Variants in CDKAL1 observed in about 807,000 individuals in gnomAD.
The protein encoded by CDKAL1 is threonylcarbamoyladenosine tRNA methylthiotransferase.
Under a neutral mutation model 68.2 loss-of-function variants are expected in CDKAL1, and 32 were observed. The observed-to-expected ratio is 0.47, with a 90% CI of 0.35 to 0.63. CDKAL1 has a LOEUF of 0.63. Among genes scored for constraint, CDKAL1 ranks in the 30% least tolerant of loss-of-function variants. The pLI, the probability that CDKAL1 is intolerant of heterozygous loss-of-function variation, is 0.00. For synonymous variants in CDKAL1, 234 were observed against 244.3 expected, an observed-to-expected ratio of 0.96 and a Z score of 0.39; for missense variants, 606 against 696.7, an observed-to-expected ratio of 0.87 and a Z score of 1.47.
At chr6:20,599,324 G>A (rs188886429) in intron 4 of CDKAL1, 7 of 451,600 alleles carry the variant, frequency 1.6e-5, no homozygotes, top group Admixed American at 4.8e-5. Context: ...TTGCATTATT[G>A]TTATACTTGG....
chr6:21,075,566 AT>A lies in CDKAL1; in HGVS notation c.1236+10346del, dbSNP rs555430468. ...TCATGAACAGGATAAACTAAAATTT[AT>A]TTTTTTTAGCTTTTACAAGACTATA... On this transcript the variant is annotated intron_variant, in intron 12 of 15. Coordinates refer to ENST00000274695, the MANE Select transcript of CDKAL1 (RefSeq NM_017774.3). 4.3e-3 allele frequency among the ~76,000 whole-genome samples: 657 copies of A among 151,962 alleles called. 5 individuals carry two copies. Among genetic ancestry groups the A allele is most frequent in the African/African-American group, 0.015 (631 of 41,468 alleles).
intron 13 of CDKAL1, among the ~76,000 whole-genome samples, chr6:21,129,684 A>AAG: frequency 7.3e-6 from 1 of 136,080 alleles, no homozygotes; most frequent in Non-Finnish European, 1.6e-5. Context: ...CAGTTTACCA[A>AAG]AAAAAAAAAA....
At chr6:21,103,818 G>T (rs1029405219) in intron 12 of CDKAL1, among the ~76,000 whole-genome samples, 3 of 152,166 alleles carry the variant, frequency 2.0e-5, no homozygotes, top group Admixed American at 6.5e-5. Context: ...AGAGCTAACA[G>T]GTGGTTGCAT....
chr6:21,107,269 C>T (rs1182401032), intron 12 of CDKAL1, among the ~76,000 whole-genome samples: 1 of 150,358 alleles, frequency 6.7e-6, no homozygotes, highest in East Asian at 1.9e-4. Context: ...TTTATATTAA[C>T]TAGTTGGCTG....
At chr6:21,220,956 C>G (rs558745489) in intron 15 of CDKAL1, among the ~76,000 whole-genome samples, 17 of 152,176 alleles carry the variant, frequency 1.1e-4, no homozygotes, top group Admixed American at 1.0e-3. Flanking sequence ...CACCTGAGGC[C>G]AGGAGTTCAA....
chr6:21,099,254 C>T (rs1773465493), intron 12 of CDKAL1, among the ~76,000 whole-genome samples: 1 of 152,110 alleles, frequency 6.6e-6, no homozygotes, highest in African/African-American at 2.4e-5. Flanking sequence ...ATATTTTCAG[C>T]TTTATAGGCC....
intron 5 of CDKAL1, among the ~76,000 whole-genome samples, chr6:20,713,759 T>C (rs1012790793): frequency 6.6e-6 from 1 of 152,146 alleles, no homozygotes; most frequent in African/African-American, 2.4e-5. Flanking sequence ...ACAATTGACA[T>C]AGAAAAGTCA....
At chr6:21,156,459 T>C (rs1312950419) in intron 13 of CDKAL1, among the ~76,000 whole-genome samples, 1 of 150,936 alleles carries the variant, frequency 6.6e-6, no homozygotes, top group Admixed American at 6.6e-5. Flanking sequence ...ATAAGACTGG[T>C]AAAATATACA....
intron 4 of CDKAL1, among the ~76,000 whole-genome samples, chr6:20,597,355 C>G (rs1015108023): frequency 1.3e-5 from 2 of 152,094 alleles, no homozygotes; most frequent in Admixed American, 1.3e-4. Flanking sequence ...GTCTTGATCT[C>G]CTGATCTCAC....
At chr6:20,981,475 C>G (rs1021030114) in intron 10 of CDKAL1, among the ~76,000 whole-genome samples, 2 of 152,090 alleles carry the variant, frequency 1.3e-5, no homozygotes, top group Non-Finnish European at 2.9e-5. Flanking sequence ...TGAATCGTGC[C>G]CATTAGTGAA....
At chr6:20,892,005 T>G (rs1189370315) in intron 9 of CDKAL1, among the ~76,000 whole-genome samples, 2 of 151,666 alleles carry the variant, frequency 1.3e-5, no homozygotes, top group Non-Finnish European at 2.9e-5. Flanking sequence ...TCTTCTGCAC[T>G]TGTGCAACTT....
intron 9 of CDKAL1, among the ~76,000 whole-genome samples, chr6:20,924,745 A>C (rs988047138): frequency 5.9e-5 from 9 of 152,232 alleles, no homozygotes; most frequent in African/African-American, 2.2e-4. Flanking sequence ...ATAACATAAA[A>C]GTGCAGGGTG....
intron 11 of CDKAL1, among the ~76,000 whole-genome samples, chr6:21,050,941 C>G (rs1027498317): frequency 1.3e-5 from 2 of 152,196 alleles, no homozygotes; most frequent in Non-Finnish European, 2.9e-5. Context: ...TATAAGTCTA[C>G]TGTGAAAAAG....
intron 4 of CDKAL1, among the ~76,000 whole-genome samples, chr6:20,605,516 C>A (rs1766295673): frequency 6.6e-6 from 1 of 151,994 alleles, no homozygotes; most frequent in South Asian, 2.1e-4. Context: ...TTTTTACATG[C>A]CTGGTACTTT....
At position 20,636,367 on chromosome 6, in the gene CDKAL1, TC is replaced by T. The variant is rs374088855; in HGVS notation, c.287-12925del. ...AACCACATTTCTCTGTTAATTTGTATCTGTTTTAATGCTTAGAGTGGTTTCT... is the reference window on the plus strand; with the variant it reads ...AACCACATTTCTCTGTTAATTTGTATTGTTTTAATGCTTAGAGTGGTTTCT... On this transcript the variant is annotated intron_variant, in intron 4 of 15. Transcript: ENST00000274695. Among the ~76,000 whole-genome samples the T allele has an allele frequency of 7.7e-3, 1,171 of 152,292 alleles. 15 individuals are homozygous for T. The highest frequency in any genetic ancestry group is 0.025 in the African/African-American group (1,032 of 41,558).
chr6:20,555,510 G>A (rs928260405), intron 4 of CDKAL1, among the ~76,000 whole-genome samples: 3 of 151,720 alleles, frequency 2.0e-5, no homozygotes, highest in Admixed American at 6.6e-5. Context: ...TAGTGGAGAC[G>A]GGGTTTCACC....
At chr6:21,031,118 G>A (rs1418677220) in intron 11 of CDKAL1, among the ~76,000 whole-genome samples, 1 of 151,938 alleles carries the variant, frequency 6.6e-6, no homozygotes. Flanking sequence ...CTCATCTTGG[G>A]CTCAGGGTCC....
intron 10 of CDKAL1, among the ~76,000 whole-genome samples, chr6:20,957,215 A>T (rs2150730391): frequency 6.6e-6 from 1 of 152,254 alleles, no homozygotes; most frequent in Non-Finnish European, 1.5e-5. Context: ...GGATCCAGGG[A>T]CCCACAAGAG....
chr6:20,556,014 A>G (rs1308538130), intron 4 of CDKAL1, among the ~76,000 whole-genome samples: 4 of 152,074 alleles, frequency 2.6e-5, no homozygotes, highest in African/African-American at 4.8e-5. Flanking sequence ...ACTGCAGTCT[A>G]TACCACAGGA....
Sources: allele counts gnomAD v4.1 joint callset (sites outside exome capture counted in the v4.1 genomes callset), GRCh38; gene constraint gnomAD v4.1.1; transcripts MANE v1.5; gene names NCBI Gene and HGNC (gene_info 2026-07-23, HGNC 2026-07-21).